The following ABI3BP variants were observed in gnomAD, a reference collection of about 807,000 sequenced individuals.
ABI3BP encodes the protein target of Nesh-SH3.
Under a neutral mutation model 268.6 loss-of-function variants are expected in ABI3BP, and 216 were observed. That is an observed-to-expected ratio of 0.80 (90% CI 0.72 to 0.90). The LOEUF (loss-of-function observed/expected upper bound fraction) is 0.90. Among genes scored for constraint, ABI3BP ranks in the 40% least tolerant of loss-of-function variants. The pLI, the probability that ABI3BP is intolerant of heterozygous loss-of-function variation, is 0.00. For synonymous variants in ABI3BP, 730 were observed against 730.0 expected (o/e 1.00, Z 0.00); for missense variants, 2,090 against 2,182.4 (o/e 0.96, Z 0.84).
In ABI3BP at chr3:100,829,239, T is replaced by C. The variant is rs2098442510; in HGVS notation, c.2542+342A>G. Among the ~76,000 whole-genome samples, 2 of 152,140 alleles carry C rather than the reference T, an allele frequency of 1.3e-5. 1 individual carries two copies. Among genetic ancestry groups the C allele is most frequent in the South Asian group, 4.1e-4 (2 of 4,828 alleles). On this transcript the variant is annotated intron_variant, in intron 33 of 67. Coordinates refer to ENST00000471714, the MANE Select transcript of ABI3BP (RefSeq NM_001375547.2). ...ACTATCTGGCTCTGTCTAGAAAATG[T>C]TTGCCAACTCCTGCCTTAGATCCTT...
chr3:100,775,237 G>C lies in ABI3BP; in HGVS notation c.4432C>G (p.Pro1478Ala), dbSNP rs768164417. 6 of 1,612,284 alleles carry C rather than the reference G, an allele frequency of 3.7e-6. No homozygotes were observed. Among genetic ancestry groups the C allele is most frequent in the Non-Finnish European group, 5.1e-6 (6 of 1,179,212 alleles). ...TCTTCTCCAGAGGCAGGAACTGTTGGTTGCTTTATATCTGTCTCTATTCTC... is the reference window on the plus strand; with the variant it reads ...TCTTCTCCAGAGGCAGGAACTGTTGCTTGCTTTATATCTGTCTCTATTCTC... Reference protein sequence around the residue: ...LERIETDIKQPTVPASGEELE... With the variant: ...LERIETDIKQATVPASGEELE... Residue 1478 changes from proline (P) to alanine (A), a missense_variant, in exon 60 of 68, where the codon CCA (proline) becomes GCA (alanine). Pro to Ala is a conservative substitution (Grantham distance 27, BLOSUM62 -1). Transcript: ENST00000471714.
intron 2 of ABI3BP, among the ~76,000 whole-genome samples, chr3:100,923,046 G>A (rs1023165706): frequency 1.3e-5 from 2 of 152,074 alleles, no homozygotes; most frequent in Non-Finnish European, 2.9e-5. Context: ...ATATGTACGA[G>A]GAATGTTTTT....
At chr3:100,880,217 A>G (rs929417971) in intron 6 of ABI3BP, among the ~76,000 whole-genome samples, 3 of 152,182 alleles carry the variant, frequency 2.0e-5, no homozygotes, top group African/African-American at 7.2e-5. Context: ...ACAGCCCCGC[A>G]GGCTCCCACA....
intron 1 of ABI3BP, among the ~76,000 whole-genome samples, chr3:100,955,988 G>GACC (rs1241717533): frequency 6.6e-6 from 1 of 152,036 alleles, no homozygotes; most frequent in African/African-American, 2.4e-5. Context: ...AGGAGTTCGA[G>GACC]ACCAGCCTGC....
At chr3:100,828,575 T>C in intron 33 of ABI3BP, 123 bp from the exon 34 acceptor site, 1 of 803,088 alleles carries the variant, frequency 1.2e-6, no homozygotes. Context: ...GCAAACACAA[T>C]TAGCCTCCTG....
chr3:100,869,931 T>G (rs964606198), intron 9 of ABI3BP, among the ~76,000 whole-genome samples: 1 of 152,184 alleles, frequency 6.6e-6, no homozygotes, highest in Non-Finnish European at 1.5e-5. Flanking sequence ...ACCCTTTGTA[T>G]GTCCCTTGGG....
chr3:100,829,553 A>G, intron 33 of ABI3BP, 28 bp downstream of exon 33: 3 of 1,523,736 alleles, frequency 2.0e-6, no homozygotes, highest in Non-Finnish European at 2.6e-6. Flanking sequence ...GGCTGTTAGG[A>G]TTCCTCAAGC....
intron 4 of ABI3BP, among the ~76,000 whole-genome samples, chr3:100,894,928 G>A (rs1303994249): frequency 1.2e-4 from 6 of 50,436 alleles, no homozygotes; most frequent in Non-Finnish European, 2.6e-4. Flanking sequence ...GACAGAGCGG[G>A]ATTCCGCTTC....
At chr3:100,863,934 A>T in intron 12 of ABI3BP, 68 bp downstream of exon 12, 3 of 1,168,400 alleles carry the variant, frequency 2.6e-6, no homozygotes, top group South Asian at 1.3e-5. Context: ...TTAATTCAAA[A>T]GACTTCTTTG....
At chr3:100,878,945 T>C (rs1297354283) in intron 6 of ABI3BP, among the ~76,000 whole-genome samples, 1 of 152,250 alleles carries the variant, frequency 6.6e-6, no homozygotes, top group Non-Finnish European at 1.5e-5. Context: ...GATGTTTTCA[T>C]CTAAGTGCAC....
intron 66 of ABI3BP, among the ~76,000 whole-genome samples, 162 bp from the exon 67 acceptor site, chr3:100,751,836 C>G (rs150156319): frequency 7.2e-5 from 11 of 152,342 alleles, no homozygotes; most frequent in African/African-American, 2.6e-4. Context: ...CCTCCCCTCC[C>G]TTTCAGGGAT....
In ABI3BP at chr3:100,784,071, A is replaced by G. The variant is rs531063128; in HGVS notation, c.4162+3657T>C. Among the ~76,000 whole-genome samples, 41 of 152,370 alleles carry G rather than the reference A, an allele frequency of 2.7e-4. 1 individual carries two copies. The South Asian group carries it at 8.3e-3, about 31-fold the overall frequency. ...GGTACAGCAATGTCTATCTACACAT[A>G]CATGCATAAAATACACATACATCAG... On this transcript the variant is annotated intron_variant, in intron 57 of 67. Coordinates refer to ENST00000471714, the MANE Select transcript of ABI3BP (RefSeq NM_001375547.2).
At chr3:100,796,305 C>T (rs2097344464) in intron 52 of ABI3BP, 104 bp downstream of exon 52, 1 of 885,180 alleles carries the variant, frequency 1.1e-6, no homozygotes, top group Non-Finnish European at 1.7e-6. Flanking sequence ...TATTTTTTCT[C>T]TAAATTTCTT....
intron 2 of ABI3BP, among the ~76,000 whole-genome samples, chr3:100,914,958 C>T (rs1274231074): frequency 1.3e-5 from 2 of 152,134 alleles, no homozygotes; most frequent in African/African-American, 4.8e-5. Context: ...ATGCATTTCA[C>T]CCACGGCTGA....
At chr3:100,974,393 G>A (rs1251024583) in intron 1 of ABI3BP, among the ~76,000 whole-genome samples, 2 of 152,156 alleles carry the variant, frequency 1.3e-5, no homozygotes, top group Non-Finnish European at 2.9e-5. Flanking sequence ...TGGCTGCATG[G>A]CCATATAATG....
In ABI3BP at chr3:100,874,273, A is replaced by C. The variant is rs1455004635; in HGVS notation, c.910+568T>G. Among the ~76,000 whole-genome samples the C allele has an allele frequency of 2.6e-5, 4 of 152,182 alleles. No individual in the cohort carries two copies. In the East Asian group the frequency reaches 7.7e-4, roughly 29 times the overall value. ...TTGATCAAGCTTGAGATTCTCTGCT[A>C]AGATACAATTTGGAGCCTAATTTGA... On this transcript the variant is annotated intron_variant, in intron 9 of 67. Transcript: ENST00000471714.
chr3:100,943,985 A>T (rs2070822219), intron 1 of ABI3BP, among the ~76,000 whole-genome samples: 1 of 152,126 alleles, frequency 6.6e-6, no homozygotes, highest in South Asian at 2.1e-4. Context: ...ATAGACAATT[A>T]CTACACTTAA....
chr3:100,943,930 A>G (rs1448091902), intron 1 of ABI3BP, among the ~76,000 whole-genome samples: 1 of 152,130 alleles, frequency 6.6e-6, no homozygotes, highest in Non-Finnish European at 1.5e-5. Flanking sequence ...TTTACTTATA[A>G]TGCTATTTAC....
rs199901173 is a variant in ABI3BP, at chr3:100,950,530, AAGAAGGACTTGTCCAG to A, written c.80-24065_80-24050del. On this transcript the variant is annotated intron_variant, in intron 1 of 67. Coordinates refer to ENST00000471714, the MANE Select transcript of ABI3BP (RefSeq NM_001375547.2). Reference sequence around the variant, plus strand: ...GCATCTGATCTGGGTCTTGAATGTCAAGAAGGACTTGTCCAGAGAACAGGAAGAAGGAAATTTCAGA... The same window carrying A: ...GCATCTGATCTGGGTCTTGAATGTCAAGAACAGGAAGAAGGAAATTTCAGA... Among the ~76,000 whole-genome samples the A allele has an allele frequency of 8.1e-4, 122 of 150,152 alleles. 1 individual carries two copies. In the East Asian group the frequency reaches 0.021, roughly 25 times the overall value.
Sources: gnomAD v4.1 joint callset for allele counts (sites outside exome capture counted in the v4.1 genomes callset) on GRCh38, gnomAD v4.1.1 for gene constraint, MANE v1.5 for transcripts, NCBI Gene and HGNC (gene_info 2026-07-23, HGNC 2026-07-21) for gene names.